CRYBG3: variants seen among roughly 807,000 people sequenced by gnomAD.
CRYBG3 encodes the protein very large A-kinase anchor protein.
A neutral mutation model predicts 244.2 loss-of-function variants in CRYBG3; 127 were observed. The observed-to-expected ratio is 0.52, with a 90% CI of 0.45 to 0.60. The LOEUF (loss-of-function observed/expected upper bound fraction) is 0.60, where lower values mean the gene tolerates loss of function less well. Ranked by LOEUF, CRYBG3 falls within the 20% of genes least tolerant of loss-of-function variation. The pLI is 0.00. For synonymous variants in CRYBG3, 1,132 were observed against 1,195.8 expected (o/e 0.95, Z 1.10); for missense variants, 3,325 against 3,442.5 (o/e 0.97, Z 0.85).
At chr3:97,907,055 T>C (rs2039784361) in intron 15 of CRYBG3, among the ~76,000 whole-genome samples, 1 of 152,128 alleles carries the variant, frequency 6.6e-6, no homozygotes, top group Non-Finnish European at 1.5e-5. Context: ...CATTTATTGA[T>C]TTGCATATAT....
chr3:97,880,117 A>C lies in CRYBG3; in HGVS notation c.7004+17A>C. The stretch of plus-strand genomic sequence containing the variant: ...AAGGGGCTGGTAAGAAGTTTCTTAA[A>C]ATTTTATAGCATATTTTCTTAAATT... On this transcript the variant is annotated intron_variant, in intron 6 of 21. Coordinates refer to ENST00000389622, the MANE Select transcript of CRYBG3 (RefSeq NM_153605.4). 1.6e-6 allele frequency: 2 copies of C among 1,270,036 alleles called. No individual in the cohort carries two copies. The highest frequency in any genetic ancestry group is 1.9e-4 in the Middle Eastern group (1 of 5,260). 78.7% of individuals were successfully genotyped at this position (1,270,036 alleles called of 1,614,324 possible).
At chr3:97,909,735 T>C (rs1310985814) in intron 15 of CRYBG3, among the ~76,000 whole-genome samples, 1 of 151,728 alleles carries the variant, frequency 6.6e-6, no homozygotes, top group African/African-American at 2.4e-5. Flanking sequence ...TCTGAAGCCT[T>C]CTTCTCTCAG....
intron 2 of CRYBG3, among the ~76,000 whole-genome samples, chr3:97,853,557 C>T (rs2039020031): frequency 6.6e-6 from 1 of 152,050 alleles, no homozygotes; most frequent in Non-Finnish European, 1.5e-5. Context: ...GACTTCTTTT[C>T]CTCTGGGTAG....
chr3:97,852,195 G>A (rs1292805726), intron 2 of CRYBG3, among the ~76,000 whole-genome samples: 1 of 152,156 alleles, frequency 6.6e-6, no homozygotes, highest in African/African-American at 2.4e-5. Context: ...GCTGATATAG[G>A]CTGGAAATTG....
In CRYBG3 at chr3:97,877,791, G is replaced by A; in HGVS notation, c.6597G>A (p.Met2199Ile). Residue 2199 changes from methionine (M) to isoleucine (I), a missense_variant, in exon 4 of 22, where the codon ATG becomes ATA. Around this residue, in one of 4 missense-constraint regions of CRYBG3, gnomAD observed 450 missense variants for 424.1 expected, o/e 1.06. Transcript: ENST00000389622. ...SVGISKNSYV[M>I]PNEPTTSNLQ... The stretch of plus-strand genomic sequence containing the variant: ...GAATTTCTAAGAATTCATATGTGAT[G>A]CCAAATGAACCTACTACCTCCAATC... 1.9e-6 allele frequency: 3 copies of A among 1,614,054 alleles called. No individual in the cohort carries two copies. Among genetic ancestry groups the A allele is most frequent in the Non-Finnish European group, 2.5e-6 (3 of 1,179,986 alleles).
At chr3:97,900,512 G>A in intron 15 of CRYBG3, 27 bp downstream of exon 15, 1 of 1,415,476 alleles carries the variant, frequency 7.1e-7, no homozygotes, top group South Asian at 1.2e-5. Context: ...TCTTGTAATT[G>A]TTAAATTGTT....
Position 97,877,110 on chromosome 3 carries a change from CAA to C in CRYBG3, c.5917_5918del (p.Lys1973GlufsTer7). 6.2e-7 allele frequency: 1 copy of C among 1,613,268 alleles called. No homozygotes were observed. On this transcript the variant is annotated frameshift_variant, in exon 4 of 22. Coordinates refer to ENST00000389622, the MANE Select transcript of CRYBG3 (RefSeq NM_153605.4). LOFTEE classifies it high-confidence loss of function. Reference sequence around the variant, plus strand: ...GAATGTCTCTTACTGCAATATATGACAAGAGGAGAGAGACAGATTATAGTGAC... The same window carrying C: ...GAATGTCTCTTACTGCAATATATGACGAGGAGAGAGACAGATTATAGTGAC... ...KRMSLTAIYD[K>X]RRETDYSDKG...
chr3:97,903,339 A>AT (rs568716960), intron 15 of CRYBG3, among the ~76,000 whole-genome samples: 190 of 152,322 alleles, frequency 1.2e-3, no homozygotes, highest in African/African-American at 4.4e-3. Context: ...TAACCAGATC[A>AT]TTTTTATAGG....
At chr3:97,938,799 A>T (rs1359927485) in intron 19 of CRYBG3, among the ~76,000 whole-genome samples, 1 of 151,782 alleles carries the variant, frequency 6.6e-6, no homozygotes, top group Non-Finnish European at 1.5e-5. Flanking sequence ...AAAATTTTTT[A>T]TTATTATTAT....
rs746180167 is a variant in CRYBG3 at position 97,872,123 on chromosome 3, G to A, written c.929G>A (p.Ser310Asn). The part of the protein sequence containing the change: ...PLEDSDCSKT[S>N]FNKENSLTNN... Reference sequence around the variant, plus strand: ...GAAGACTCTGATTGTAGCAAAACAAGTTTCAACAAGGAAAATTCTTTGACA... The same window carrying A: ...GAAGACTCTGATTGTAGCAAAACAAATTTCAACAAGGAAAATTCTTTGACA... Residue 310 changes from serine (S) to asparagine (N), a missense_variant, in exon 4 of 22, where the codon AGT (serine) becomes AAT (asparagine). Physicochemically the swap from Ser to Asn is conservative, Grantham distance 46. Coordinates refer to ENST00000389622, the MANE Select transcript of CRYBG3 (RefSeq NM_153605.4). 3.3e-6 allele frequency: 5 copies of A among 1,536,008 alleles called. No individual in the cohort carries two copies. The highest frequency in any genetic ancestry group is 1.7e-4 in the Middle Eastern group (1 of 5,990).
intron 5 of CRYBG3, 34 bp from the exon 6 acceptor site, chr3:97,879,951 T>C (rs1159201958): frequency 2.7e-6 from 3 of 1,116,986 alleles, no homozygotes; most frequent in African/African-American, 1.6e-5. Flanking sequence ...AAATTAGTTA[T>C]TGTAACTACT....
chr3:97,933,864 C>T, intron 18 of CRYBG3, 31 bp downstream of exon 18: 1 of 1,600,100 alleles, frequency 6.2e-7, no homozygotes, highest in Non-Finnish European at 8.5e-7. Context: ...TGGTCTGGTT[C>T]AGTTACTGTT....
At chr3:97,932,375 T>C (rs111466634) in intron 17 of CRYBG3, among the ~76,000 whole-genome samples, 7 of 152,210 alleles carry the variant, frequency 4.6e-5, no homozygotes, top group South Asian at 2.1e-4. Flanking sequence ...CCATAATTTA[T>C]GTAACCAGTC....
At chr3:97,853,498 G>A (rs1161710434) in intron 2 of CRYBG3, among the ~76,000 whole-genome samples, 4 of 151,816 alleles carry the variant, frequency 2.6e-5, no homozygotes, top group Non-Finnish European at 5.9e-5. Flanking sequence ...TTGCAATTGC[G>A]AATTGTGCTG....
At chr3:97,885,265 A>G (rs1425606695) in intron 7 of CRYBG3, among the ~76,000 whole-genome samples, 1 of 152,168 alleles carries the variant, frequency 6.6e-6, no homozygotes, top group East Asian at 1.9e-4. Context: ...TTTGTATATT[A>G]ATAAGAATGA....
At chr3:97,860,262 G>A (rs2039127116) in intron 2 of CRYBG3, among the ~76,000 whole-genome samples, 1 of 152,132 alleles carries the variant, frequency 6.6e-6, no homozygotes, top group South Asian at 2.1e-4. Flanking sequence ...CATGTTTCAA[G>A]GTGGTAGAGA....
rs565247345 is a variant in CRYBG3, at chr3:97,935,375, TC to T, written c.8382-1409del. On this transcript the variant is annotated intron_variant, in intron 18 of 21. Coordinates refer to ENST00000389622, the MANE Select transcript of CRYBG3 (RefSeq NM_153605.4). ...TCATGCTGACCTGCCTCTCCACCAG[TC>T]TGATTGATTAGATTTGTGTAGGAAG... 5.5e-4 allele frequency among the ~76,000 whole-genome samples: 83 copies of T among 152,072 alleles called. 2 individuals carry two copies. The highest frequency in any genetic ancestry group is 4.1e-3 in the Admixed American group (62 of 15,254).
chr3:97,822,031 G>C lies in CRYBG3; in HGVS notation c.-176G>C. On this transcript the variant is annotated 5_prime_UTR_variant, in exon 1 of 22. Coordinates refer to ENST00000389622, the MANE Select transcript of CRYBG3 (RefSeq NM_153605.4). ...GCAGCGGCGTGAGGAGCTGCCGCGC[G>C]AGGAGCGCGTCGCGTCCGCACTTCT... The C allele has an allele frequency of 2.2e-6, 1 of 448,426 alleles. No homozygotes were observed. Among genetic ancestry groups the C allele is most frequent in the Non-Finnish European group, 3.7e-6 (1 of 270,518 alleles). 27.8% of individuals were successfully genotyped at this position (448,426 alleles called of 1,614,324 possible).
At chr3:97,924,689 T>C (rs959547642) in intron 17 of CRYBG3, among the ~76,000 whole-genome samples, 25 of 152,104 alleles carry the variant, frequency 1.6e-4, no homozygotes, top group Non-Finnish European at 2.9e-5. Flanking sequence ...GTCTCTGCTC[T>C]TTATCTGCTG....
Sources: allele counts gnomAD v4.1 joint callset (sites outside exome capture counted in the v4.1 genomes callset), GRCh38; gene constraint gnomAD v4.1.1; regional missense constraint gnomAD v4.1.1; transcripts MANE v1.5; gene names NCBI Gene and HGNC (gene_info 2026-07-23, HGNC 2026-07-21).